Variants in CCDC91 observed in about 807,000 individuals in gnomAD.
CCDC91 encodes coiled-coil domain-containing protein 91.
Under a neutral mutation model 63.2 loss-of-function variants are expected in CCDC91, and 48 were observed. That is an observed-to-expected ratio of 0.76 (90% CI 0.60 to 0.97). The LOEUF (loss-of-function observed/expected upper bound fraction) is 0.97. CCDC91 is among the 50% of genes least tolerant of loss of function. CCDC91 has a pLI of 0.00. For missense variants in CCDC91, 500 were observed against 494.6 expected, an observed-to-expected ratio of 1.01 and a Z score of -0.10; for synonymous variants, 167 against 165.8, an observed-to-expected ratio of 1.01 and a Z score of -0.06.
At chr12:28,401,146 C>G (rs1052306432) in intron 8 of CCDC91, among the ~76,000 whole-genome samples, 3 of 152,132 alleles carry the variant, frequency 2.0e-5, no homozygotes, top group Admixed American at 1.3e-4. Flanking sequence ...TAGTTCGTTT[C>G]ATGCTGCTAA....
At chr12:28,281,361 G>A (rs1948601035) in intron 3 of CCDC91, among the ~76,000 whole-genome samples, 1 of 152,136 alleles carries the variant, frequency 6.6e-6, no homozygotes, top group African/African-American at 2.4e-5. Flanking sequence ...GGGCGGGTTA[G>A]AACCCATAGG....
intron 12 of CCDC91, among the ~76,000 whole-genome samples, chr12:28,496,071 A>G (rs551116610): frequency 1.3e-5 from 2 of 151,726 alleles, no homozygotes; most frequent in East Asian, 3.9e-4. Flanking sequence ...TCTTCTTTTA[A>G]ATAACAGAAG....
At chr12:28,419,115 C>G (rs745822070) in intron 8 of CCDC91, among the ~76,000 whole-genome samples, 1 of 152,010 alleles carries the variant, frequency 6.6e-6, no homozygotes, top group Non-Finnish European at 1.5e-5. Context: ...TGGAGGGGTC[C>G]TAGGGATATA....
At chr12:28,240,169 C>G (rs1207413176) in intron 1 of CCDC91, among the ~76,000 whole-genome samples, 4 of 152,138 alleles carry the variant, frequency 2.6e-5, no homozygotes, top group Non-Finnish European at 5.9e-5. Context: ...AGGAGTAAAA[C>G]TAGGTCTAAG....
chr12:28,322,603 T>C (rs559685316), intron 6 of CCDC91, among the ~76,000 whole-genome samples: 6 of 151,930 alleles, frequency 3.9e-5, no homozygotes, highest in African/African-American at 9.6e-5. Flanking sequence ...TGCTTCCTTA[T>C]TTTTTTCTCT....
intron 6 of CCDC91, among the ~76,000 whole-genome samples, chr12:28,356,396 G>A (rs1408485070): frequency 6.6e-5 from 10 of 152,196 alleles, no homozygotes; most frequent in Admixed American, 2.0e-4. Context: ...CACTACTCTG[G>A]CATTTATAAT....
intron 3 of CCDC91, among the ~76,000 whole-genome samples, chr12:28,294,322 C>T (rs566224828): frequency 2.0e-5 from 3 of 152,162 alleles, no homozygotes; most frequent in East Asian, 1.9e-4. Context: ...AATCTCATCT[C>T]GAATTGTAAT....
intron 12 of CCDC91, among the ~76,000 whole-genome samples, chr12:28,501,289 T>G (rs1019586211): frequency 1.3e-5 from 2 of 151,890 alleles, no homozygotes; most frequent in Non-Finnish European, 2.9e-5. Flanking sequence ...TGTGCCAGTT[T>G]TCAAAGGGAA....
chr12:28,255,699 T>A (rs1946399702), intron 1 of CCDC91: 1 of 152,178 alleles, frequency 6.6e-6, no homozygotes, highest in South Asian at 2.1e-4. Context: ...TATATTCTGG[T>A]TAATTTAATA....
At chr12:28,517,819 A>T (rs1305735320) in intron 12 of CCDC91, among the ~76,000 whole-genome samples, 2 of 151,758 alleles carry the variant, frequency 1.3e-5, no homozygotes, top group South Asian at 4.2e-4. Context: ...CCGAAAGTCC[A>T]CTGTGTCATT....
intron 8 of CCDC91, among the ~76,000 whole-genome samples, chr12:28,440,276 C>T (rs1949116962): frequency 6.6e-6 from 1 of 152,112 alleles, no homozygotes; most frequent in Non-Finnish European, 1.5e-5. Context: ...TTTGTTTCTC[C>T]CATATTGCCT....
intron 1 of CCDC91, among the ~76,000 whole-genome samples, chr12:28,239,628 C>T (rs1945199745): frequency 6.6e-6 from 1 of 152,152 alleles, no homozygotes; most frequent in Non-Finnish European, 1.5e-5. Context: ...GTGTATCCAA[C>T]ATAAACTCAT....
At chr12:28,335,483 C>T (rs1941903245) in intron 6 of CCDC91, among the ~76,000 whole-genome samples, 1 of 149,884 alleles carries the variant, frequency 6.7e-6, no homozygotes, top group Non-Finnish European at 1.5e-5. Context: ...TCACAGCTTA[C>T]TGCAGCCTCG....
chr12:28,385,448 A>G (rs1197113732), intron 7 of CCDC91, among the ~76,000 whole-genome samples: 1 of 152,176 alleles, frequency 6.6e-6, no homozygotes, highest in Non-Finnish European at 1.5e-5. Flanking sequence ...TGAGGTAAAC[A>G]CAGATTCCTA....
At chr12:28,214,056 CA>C (rs1250294209) in intron 1 of CCDC91, among the ~76,000 whole-genome samples, 2 of 152,098 alleles carry the variant, frequency 1.3e-5, no homozygotes, top group Non-Finnish European at 2.9e-5. Flanking sequence ...GACTTGCTAG[CA>C]AAATTTTTGC....
intron 6 of CCDC91, among the ~76,000 whole-genome samples, chr12:28,343,618 A>C (rs1453271524): frequency 6.6e-6 from 1 of 152,154 alleles, no homozygotes; most frequent in Non-Finnish European, 1.5e-5. Flanking sequence ...CATTATTTAT[A>C]AAATATGGAG....
intron 8 of CCDC91, among the ~76,000 whole-genome samples, chr12:28,392,045 A>C (rs1945980034): frequency 7.0e-6 from 1 of 143,122 alleles, no homozygotes; most frequent in African/African-American, 2.4e-5. Flanking sequence ...TTTACTGAGA[A>C]TTAAGAAATA....
At chr12:28,515,107 C>T (rs1427347531) in intron 12 of CCDC91, among the ~76,000 whole-genome samples, 2 of 151,560 alleles carry the variant, frequency 1.3e-5, no homozygotes, top group African/African-American at 4.8e-5. Context: ...TTCCCCACCC[C>T]CAAGAAAAAA....
chr12:28,485,041 C>G (rs756238544), intron 12 of CCDC91, among the ~76,000 whole-genome samples: 20 of 151,648 alleles, frequency 1.3e-4, no homozygotes, highest in Non-Finnish European at 2.2e-4. Context: ...AATAGCTAAA[C>G]TTAATTGGTG....
Sources: allele counts gnomAD v4.1 joint callset (sites outside exome capture counted in the v4.1 genomes callset), GRCh38; gene constraint gnomAD v4.1.1; transcripts MANE v1.5; gene names NCBI Gene and HGNC (gene_info 2026-07-23, HGNC 2026-07-21).